The following EBPL variants were observed in gnomAD, a reference collection of about 807,000 sequenced individuals.
EBPL encodes emopamil-binding protein-like.
Under a neutral mutation model 19.0 loss-of-function variants are expected in EBPL, and 20 were observed. The observed-to-expected ratio is 1.05, with a 90% CI of 0.74 to 1.53. The LOEUF is 1.53. Ranked by LOEUF, EBPL falls within the 40% of genes most tolerant of loss-of-function variation. EBPL has a pLI of 0.00. For missense variants in EBPL, 219 were observed against 261.1 expected, an observed-to-expected ratio of 0.84 and a Z score of 1.11; for synonymous variants, 107 against 117.0, an observed-to-expected ratio of 0.91 and a Z score of 0.55.
chr13:49,684,429 G>A (rs533305175), intron 1 of EBPL, among the ~76,000 whole-genome samples: 20 of 152,350 alleles, frequency 1.3e-4, no homozygotes, highest in Admixed American at 1.2e-3. Flanking sequence ...CCAGCACTCC[G>A]GGAGGCCGAG....
At chr13:49,678,268 TC>T (rs1237419432) in intron 1 of EBPL, among the ~76,000 whole-genome samples, 1 of 152,100 alleles carries the variant, frequency 6.6e-6, no homozygotes, top group Non-Finnish European at 1.5e-5. Context: ...CCAGCTGGCT[TC>T]CCCTAGTGGA....
intron 1 of EBPL, among the ~76,000 whole-genome samples, chr13:49,682,914 T>C (rs1953957031): frequency 2.6e-5 from 4 of 152,116 alleles, no homozygotes. Flanking sequence ...CCTTGGATGA[T>C]GGTCAGACTC....
rs1965142043 is a variant in EBPL at position 49,661,206 on chromosome 13, T to C, written c.383A>G (p.His128Arg). 6.2e-7 allele frequency: 1 copy of C among 1,610,344 alleles called. No homozygotes were observed. Among genetic ancestry groups the C allele is most frequent in the African/African-American group, 1.3e-5 (1 of 74,780 alleles). ...YAIVKEKYYR[H>R]FLQITLCVCE... ...CACGCACAGGGTGATCTGCAGGAAA[T>C]GCCTGTTGGAGAGAAAGAAGCCCGG... The change falls in exon 4 of 4, where the codon CAT becomes CGT. Residue 128 changes from histidine to arginine, a missense_variant and splice_region_variant. This residue lies in a region of EBPL where 49 missense variants were observed against 94.1 expected (regional missense o/e 0.52). Coordinates refer to ENST00000242827, the MANE Select transcript of EBPL (RefSeq NM_032565.5).
intron 2 of EBPL, chr13:49,668,376 A>G: frequency 4.3e-6 from 1 of 234,380 alleles, no homozygotes; most frequent in Non-Finnish European, 8.6e-6. Context: ...GATCGAGACC[A>G]TCCTGGCTAA....
intron 1 of EBPL, among the ~76,000 whole-genome samples, chr13:49,675,702 G>A (rs938871880): frequency 6.6e-6 from 1 of 152,040 alleles, no homozygotes; most frequent in African/African-American, 2.4e-5. Context: ...AATTCCTTTG[G>A]GTGTATATGT....
At position 49,691,435 on chromosome 13, in the gene EBPL, T is replaced by G; in HGVS notation, c.-11A>C. The G allele has an allele frequency of 7.5e-7, 1 of 1,332,716 alleles. No homozygotes were observed. The highest frequency in any genetic ancestry group is 3.1e-5 in the Admixed American group (1 of 32,122). 82.6% of individuals were successfully genotyped at this position (1,332,716 alleles called of 1,614,324 possible). On this transcript the variant is annotated 5_prime_UTR_variant, in exon 1 of 4. Transcript: ENST00000242827. ...CCACTCAGCGCCCATGCTTCAGGCTTCCGACGCCAACGGCCCAGGACCATG... is the reference window on the plus strand; with the variant it reads ...CCACTCAGCGCCCATGCTTCAGGCTGCCGACGCCAACGGCCCAGGACCATG...
At chr13:49,671,524 A>T (rs750283555) in intron 1 of EBPL, among the ~76,000 whole-genome samples, 19 of 152,190 alleles carry the variant, frequency 1.2e-4, no homozygotes, top group Non-Finnish European at 2.5e-4. Context: ...TCCCCAGTCC[A>T]CTTACTTTGC....
intron 3 of EBPL, 21 bp from the exon 4 acceptor site, chr13:49,661,229 C>T (rs1438911364): frequency 1.1e-5 from 18 of 1,588,900 alleles, no homozygotes; most frequent in South Asian, 5.6e-5. Flanking sequence ...GAAAGAAGCC[C>T]GGGATGAACC....
intron 2 of EBPL, among the ~76,000 whole-genome samples, chr13:49,666,184 C>CA (rs1449567823): frequency 6.6e-6 from 1 of 152,148 alleles, no homozygotes; most frequent in Non-Finnish European, 1.5e-5. Context: ...CCCTGGTTCC[C>CA]CACAGAGGAT....
At chr13:49,664,323 G>A (rs1965195546) in intron 2 of EBPL, among the ~76,000 whole-genome samples, 1 of 152,192 alleles carries the variant, frequency 6.6e-6, no homozygotes, top group African/African-American at 2.4e-5. Flanking sequence ...AGGGAGGGGA[G>A]GAGAGAGCCC....
chr13:49,680,611 CAGG>C (rs773624866), intron 1 of EBPL, among the ~76,000 whole-genome samples: 1 of 152,166 alleles, frequency 6.6e-6, no homozygotes, highest in Non-Finnish European at 1.5e-5. Flanking sequence ...ATCACAATGT[CAGG>C]AGATCGAGAC....
chr13:49,662,458 T>C (rs1317537169), intron 3 of EBPL, among the ~76,000 whole-genome samples: 1 of 152,244 alleles, frequency 6.6e-6, no homozygotes, highest in Non-Finnish European at 1.5e-5. Flanking sequence ...GGACGTATTA[T>C]GGTTTTATTC....
chr13:49,685,864 G>GA (rs138557655), intron 1 of EBPL, among the ~76,000 whole-genome samples: 54 of 142,580 alleles, frequency 3.8e-4, no homozygotes, highest in African/African-American at 9.3e-4. Context: ...GAGAGAGAGA[G>GA]AAAAAAAAAA....
intron 1 of EBPL, among the ~76,000 whole-genome samples, chr13:49,685,991 C>T (rs770665434): frequency 1.3e-5 from 2 of 152,078 alleles, no homozygotes; most frequent in Non-Finnish European, 2.9e-5. Flanking sequence ...AGCCACTGGG[C>T]CTCAAGATTT....
At chr13:49,666,624 A>G (rs369850711) in intron 2 of EBPL, among the ~76,000 whole-genome samples, 11 of 148,260 alleles carry the variant, frequency 7.4e-5, no homozygotes, top group East Asian at 4.0e-4. Flanking sequence ...AGGCAGGAGA[A>G]TGGCATGAAC....
At chr13:49,689,745 T>G (rs1036618144) in intron 1 of EBPL, among the ~76,000 whole-genome samples, 2 of 152,206 alleles carry the variant, frequency 1.3e-5, no homozygotes, top group Non-Finnish European at 2.9e-5. Context: ...TAGCAACATT[T>G]TTGTTATGTT....
At chr13:49,680,366 C>T (rs1183549011) in intron 1 of EBPL, among the ~76,000 whole-genome samples, 1 of 152,122 alleles carries the variant, frequency 6.6e-6, no homozygotes, top group Non-Finnish European at 1.5e-5. Flanking sequence ...AGATCACTTT[C>T]CAGTACTTCA....
rs143224952 is a variant in EBPL at position 49,687,751 on chromosome 13, T to A, written c.171+3503A>T. Among the ~76,000 whole-genome samples, 892 of 152,318 alleles carry A rather than the reference T, an allele frequency of 5.9e-3. 8 individuals carry two copies. Among genetic ancestry groups the A allele is most frequent in the African/African-American group, 0.02 (834 of 41,568 alleles). ...CCCACTGCATGTACAGGCAGTAACATCTGGCCTTCATTATGTTGTCCTGTG... is the reference window on the plus strand; with the variant it reads ...CCCACTGCATGTACAGGCAGTAACAACTGGCCTTCATTATGTTGTCCTGTG... On this transcript the variant is annotated intron_variant, in intron 1 of 3. Coordinates refer to ENST00000242827, the MANE Select transcript of EBPL (RefSeq NM_032565.5).
At chr13:49,670,507 T>C (rs1953800249) in intron 1 of EBPL, among the ~76,000 whole-genome samples, 2 of 152,238 alleles carry the variant, frequency 1.3e-5, no homozygotes, top group Admixed American at 1.3e-4. Flanking sequence ...ATTTTGCTGC[T>C]GGTCAATAAA....
Sources: allele counts gnomAD v4.1 joint callset (sites outside exome capture counted in the v4.1 genomes callset), GRCh38; gene constraint gnomAD v4.1.1; regional missense constraint gnomAD v4.1.1; transcripts MANE v1.5; gene names NCBI Gene and HGNC (gene_info 2026-07-23, HGNC 2026-07-21).